Variants in ERCC6L2 observed in about 807,000 individuals in gnomAD.
ERCC6L2 encodes the protein DNA excision repair protein ERCC-6-like 2.
ERCC6L2 carries 77 observed loss-of-function variants against 132.0 expected under a neutral mutation model. That is an observed-to-expected ratio of 0.58 (90% CI 0.49 to 0.71). The LOEUF (loss-of-function observed/expected upper bound fraction) is 0.71, where lower values mean the gene tolerates loss of function less well. Ranked by LOEUF, ERCC6L2 falls within the 30% of genes least tolerant of loss-of-function variation. The pLI is 0.00. For missense variants in ERCC6L2, 1,542 were observed against 1,837.6 expected, an observed-to-expected ratio of 0.84 and a Z score of 2.94; for synonymous variants, 583 against 632.4, an observed-to-expected ratio of 0.92 and a Z score of 1.17.
chr9:95,959,193 T>C (rs1341828333), intron 13 of ERCC6L2, among the ~76,000 whole-genome samples: 1 of 148,974 alleles, frequency 6.7e-6, no homozygotes, highest in East Asian at 2.0e-4. Context: ...TGTAGATCAA[T>C]GGAACAGAAC....
chr9:95,924,729 C>T (rs917365874), intron 9 of ERCC6L2, among the ~76,000 whole-genome samples: 2 of 151,908 alleles, frequency 1.3e-5, no homozygotes, highest in Non-Finnish European at 2.9e-5. Flanking sequence ...TAAAGTTAAT[C>T]TCCCTAGGAA....
Position 95,899,649 on chromosome 9 carries a change from C to T in ERCC6L2, c.594+1678C>T, listed in dbSNP as rs956723943. Among the ~76,000 whole-genome samples the T allele has an allele frequency of 1.9e-4, 25 of 135,028 alleles. 1 individual carries two copies. Among genetic ancestry groups the T allele is most frequent in the Non-Finnish European group, 2.5e-4 (16 of 63,856 alleles). The allele number at this position is 135,028 out of a possible 152,430, so 88.6% of individuals were successfully genotyped here. ...GTGTGTGTGCGTATGTATGCATATGCGATGTATCATATCACACACACACAT... is the reference window on the plus strand; with the variant it reads ...GTGTGTGTGCGTATGTATGCATATGTGATGTATCATATCACACACACACAT... On this transcript the variant is annotated intron_variant, in intron 3 of 18. Transcript: ENST00000653738.
chr9:95,986,426 C>G (rs564911857), intron 17 of ERCC6L2, among the ~76,000 whole-genome samples: 1 of 151,396 alleles, frequency 6.6e-6, no homozygotes, highest in South Asian at 2.1e-4. Context: ...TACTGCAACT[C>G]AAGAACTCAT....
chr9:95,881,953 T>C (rs1827620728), intron 2 of ERCC6L2, among the ~76,000 whole-genome samples: 1 of 152,250 alleles, frequency 6.6e-6, no homozygotes, highest in Admixed American at 6.5e-5. Context: ...AGCCTGGTCC[T>C]GTAGCTTTGC....
At chr9:96,033,190 A>G (rs1336012286) in intron 19 of ERCC6L2, among the ~76,000 whole-genome samples, 3 of 152,090 alleles carry the variant, frequency 2.0e-5, no homozygotes, top group Non-Finnish European at 4.4e-5. Flanking sequence ...CATTGTTTCC[A>G]GTTTGAATCT....
rs769850984 is a variant in ERCC6L2 at position 96,012,908 on chromosome 9, G to T, written c.4358G>T (p.Gly1453Val). 2.0e-5 allele frequency: 27 copies of T among 1,367,412 alleles called. No individual in the cohort carries two copies. Among genetic ancestry groups the T allele is most frequent in the Non-Finnish European group, 2.6e-5 (27 of 1,021,782 alleles). The allele number at this position is 1,367,412 out of a possible 1,614,324, so 84.7% of individuals were successfully genotyped here. The change falls in exon 19 of 19, where the codon GGG becomes GTG. Residue 1453 changes from glycine to valine, a missense_variant. Gly to Val is a moderately radical substitution (Grantham distance 109, BLOSUM62 -3). Transcript: ENST00000653738. Reference protein sequence around the residue: ...SILDDLFKSHGNSPTQLPKKV... With the variant: ...SILDDLFKSHVNSPTQLPKKV... ...CTTGATGACCTTTTTAAAAGTCATG[G>T]GAACAGTCCCACACAACTGCCAAAG...
rs903819822 is a variant in ERCC6L2, at chr9:95,972,409, A to G, written c.2658A>G (p.Thr886=). The change falls in exon 16 of 19, where the codon ACA becomes ACG. Residue 886 remains threonine, a synonymous_variant. Transcript: ENST00000653738. ...CTGACGAGAAAAAAATTAAAAATAC[A>G]GATAAACATTGCATTTTACAGAATG... ...SKSDEKKIKN[T]DKHCILQNVT... is the part of the protein sequence containing the mutation. 16 of 1,276,130 alleles carry G rather than the reference A, an allele frequency of 1.3e-5. No individual in the cohort carries two copies. In the Middle Eastern group the frequency reaches 6.6e-4, roughly 52 times the overall value. The allele number at this position is 1,276,130 out of a possible 1,614,324, so 79.1% of individuals were successfully genotyped here.
Position 96,014,777 on chromosome 9 carries a change from G to C in ERCC6L2, c.*1574G>C, listed in dbSNP as rs1171499996. Among the ~76,000 whole-genome samples the C allele has an allele frequency of 6.6e-6, 1 of 152,128 alleles. No individual in the cohort carries two copies. The highest frequency in any genetic ancestry group is 1.5e-5 in the Non-Finnish European group (1 of 68,036). ...AGCTGAGTTGTGTCCAGACTTACCA[G>C]ATGGTATGTTTTGCCATTGAGGGGC... On this transcript the variant is annotated 3_prime_UTR_variant, in exon 19 of 19. Transcript: ENST00000653738.
intron 3 of ERCC6L2, among the ~76,000 whole-genome samples, chr9:95,904,433 C>A (rs141682210): frequency 6.6e-6 from 1 of 152,032 alleles, no homozygotes; most frequent in African/African-American, 2.4e-5. Context: ...TTACACATCT[C>A]AAGGACGTAG....
chr9:95,980,009 A>G (rs1017182687), intron 17 of ERCC6L2, among the ~76,000 whole-genome samples: 1 of 152,198 alleles, frequency 6.6e-6, no homozygotes, highest in South Asian at 2.1e-4. Context: ...AACTGGATAT[A>G]CTGGTCATTA....
downstream of ERCC6L2, among the ~76,000 whole-genome samples, chr9:96,018,472 T>G (rs1243030182): frequency 6.6e-6 from 1 of 152,124 alleles, no homozygotes; most frequent in East Asian, 1.9e-4. Context: ...TGTTTTTCTT[T>G]TTTTGTAAGA....
intron 12 of ERCC6L2, 74 bp downstream of exon 12, chr9:95,941,623 G>T (rs1468190365): frequency 6.4e-6 from 7 of 1,091,792 alleles, no homozygotes; most frequent in African/African-American, 1.6e-5. Flanking sequence ...TTTTAAGGTT[G>T]CTTATACTAT....
chr9:95,884,489 C>T (rs1432209057), intron 2 of ERCC6L2, among the ~76,000 whole-genome samples: 1 of 145,342 alleles, frequency 6.9e-6, no homozygotes, highest in South Asian at 2.2e-4. Flanking sequence ...TTCTTTTCTT[C>T]TTTTTTTTTT....
intron 20 of ERCC6L2, among the ~76,000 whole-genome samples, chr9:96,040,653 G>A (rs1317873644): frequency 6.6e-6 from 1 of 152,218 alleles, no homozygotes; most frequent in Non-Finnish European, 1.5e-5. Flanking sequence ...CCTGCCCCCT[G>A]CCATGACTCT....
intron 3 of ERCC6L2, among the ~76,000 whole-genome samples, chr9:95,901,075 G>GAA (rs33928648): frequency 1.5e-5 from 2 of 129,194 alleles, no homozygotes; most frequent in African/African-American, 2.8e-5. Context: ...CTCTGTCTCA[G>GAA]AAAAAAAAAA....
intron 18 of ERCC6L2, among the ~76,000 whole-genome samples, chr9:96,009,959 A>C (rs531032342): frequency 6.6e-6 from 1 of 152,370 alleles, no homozygotes; most frequent in East Asian, 1.9e-4. Context: ...TGGATAAATA[A>C]AAGACATCAG....
chr9:96,011,526 G>A (rs1330396344), intron 18 of ERCC6L2, among the ~76,000 whole-genome samples: 1 of 152,134 alleles, frequency 6.6e-6, no homozygotes, highest in African/African-American at 2.4e-5. Context: ...AAATCTTTCT[G>A]CCTCTATCTT....
chr9:96,002,694 A>G (rs1833730792), intron 17 of ERCC6L2, among the ~76,000 whole-genome samples: 1 of 152,156 alleles, frequency 6.6e-6, no homozygotes, highest in Admixed American at 6.5e-5. Context: ...TCAGCCTCCC[A>G]AAGTGCTGGG....
At chr9:95,989,318 T>C (rs1324692585) in intron 17 of ERCC6L2, among the ~76,000 whole-genome samples, 1 of 152,148 alleles carries the variant, frequency 6.6e-6, no homozygotes, top group Admixed American at 6.5e-5. Context: ...CCTGCCTTGG[T>C]CTTTCAGGTG....
Sources: allele counts gnomAD v4.1 joint callset (sites outside exome capture counted in the v4.1 genomes callset), GRCh38; gene constraint gnomAD v4.1.1; transcripts MANE v1.5; gene names NCBI Gene and HGNC (gene_info 2026-07-23, HGNC 2026-07-21).